The following CMSS1 variants were observed in gnomAD, a reference collection of about 807,000 sequenced individuals.
CMSS1 encodes the protein cms1 ribosomal small subunit homolog.
Under a neutral mutation model 43.5 loss-of-function variants are expected in CMSS1, and 33 were observed. That is an observed-to-expected ratio of 0.76 (90% confidence interval 0.57 to 1.01). The LOEUF (loss-of-function observed/expected upper bound fraction) is 1.01. Ranked by LOEUF, CMSS1 falls within the 50% of genes least tolerant of loss-of-function variation. The pLI is 0.00. For missense variants in CMSS1, 313 were observed against 326.4 expected, an observed-to-expected ratio of 0.96 and a Z score of 0.32; for synonymous variants, 115 against 117.2, an observed-to-expected ratio of 0.98 and a Z score of 0.12.
At chr3:99,930,939 G>T in intron 1 of CMSS1, 3 of 1,613,632 alleles carry the variant, frequency 1.9e-6, no homozygotes, top group Non-Finnish European at 2.5e-6. Context: ...ATGTTTTTAG[G>T]CCCTTGGAAA....
chr3:100,020,834 C>A (rs748980911), intron 1 of CMSS1, among the ~76,000 whole-genome samples: 16 of 121,890 alleles, frequency 1.3e-4, no homozygotes, highest in Middle Eastern at 7.2e-3. Flanking sequence ...GTGGCACGAT[C>A]TCAGCTCACT....
At chr3:99,822,502 A>G (rs528541937) in intron 1 of CMSS1, among the ~76,000 whole-genome samples, 170 of 152,272 alleles carry the variant, frequency 1.1e-3, no homozygotes, top group African/African-American at 3.8e-3. Context: ...AGGCTGAGGC[A>G]GGTGGATCAC....
At chr3:99,909,127 T>C (rs1197624432) in intron 1 of CMSS1, among the ~76,000 whole-genome samples, 1 of 152,206 alleles carries the variant, frequency 6.6e-6, no homozygotes, top group African/African-American at 2.4e-5. Context: ...AACAAGTAGA[T>C]GGCTAAAGTG....
At chr3:99,924,972 C>T (rs115414475) in intron 1 of CMSS1, among the ~76,000 whole-genome samples, 533 of 152,266 alleles carry the variant, frequency 3.5e-3, no homozygotes, top group African/African-American at 0.011. Flanking sequence ...ACTGTTTCCA[C>T]ATAACCTCTT....
In CMSS1 at chr3:100,146,093, A is replaced by C. The variant is rs370475234; in HGVS notation, c.65-880A>C. ...ATATACAGAGAAACTCAAGGGAATG[A>C]GTAAAGTCTTTCATAGATCAAAAAT... On this transcript the variant is annotated intron_variant, in intron 1 of 9. Transcript: ENST00000421999. 3.3e-5 allele frequency among the ~76,000 whole-genome samples: 5 copies of C among 152,252 alleles called. No homozygotes were observed. The East Asian group carries it at 7.7e-4, about 23-fold the overall frequency.
At chr3:99,859,757 CTTTA>C (rs2107550783) in intron 1 of CMSS1, among the ~76,000 whole-genome samples, 2 of 96,846 alleles carry the variant, frequency 2.1e-5, no homozygotes, top group Admixed American at 2.5e-4. Flanking sequence ...TGGAAAGCTT[CTTTA>C]TTTGAGATAA....
rs1167217491 is a variant in CMSS1, at chr3:100,070,439, T to C, written c.65-76534T>C. On this transcript the variant is annotated intron_variant, in intron 1 of 9. Transcript: ENST00000421999. ...TACTCTGTTTTACTTAGGACTTGAA[T>C]ATTAAATAATGTTGATTTATTCTCC... Among the ~76,000 whole-genome samples, 29 of 151,906 alleles carry C rather than the reference T, an allele frequency of 1.9e-4. 1 individual carries two copies. Among genetic ancestry groups the C allele is most frequent in the Admixed American group, 1.9e-3 (29 of 15,274 alleles).
At chr3:99,991,069 C>T (rs567984722) in intron 1 of CMSS1, among the ~76,000 whole-genome samples, 4 of 152,296 alleles carry the variant, frequency 2.6e-5, no homozygotes, top group African/African-American at 9.6e-5. Flanking sequence ...GGACAAATGT[C>T]ACTGGGGGTC....
chr3:100,139,232 A>T (rs2066781702), intron 1 of CMSS1, among the ~76,000 whole-genome samples: 1 of 152,146 alleles, frequency 6.6e-6, no homozygotes, highest in Admixed American at 6.5e-5. Context: ...GGATGGGTCA[A>T]TAGGTGCAGC....
chr3:100,028,413 C>G (rs2064965755), intron 1 of CMSS1, among the ~76,000 whole-genome samples: 1 of 152,148 alleles, frequency 6.6e-6, no homozygotes, highest in Non-Finnish European at 1.5e-5. Flanking sequence ...CAGGCAACAG[C>G]TGGTGGTTGT....
chr3:99,955,540 T>C (rs1051027862), intron 1 of CMSS1, among the ~76,000 whole-genome samples: 49 of 152,296 alleles, frequency 3.2e-4, no homozygotes, highest in African/African-American at 1.2e-3. Flanking sequence ...TTCCCAGCAA[T>C]GCTTGAGAAC....
At chr3:100,060,055 G>A (rs936135415) in intron 1 of CMSS1, among the ~76,000 whole-genome samples, 11 of 151,674 alleles carry the variant, frequency 7.3e-5, no homozygotes, top group Non-Finnish European at 1.5e-4. Flanking sequence ...AAATGGGGGC[G>A]GGGGGAAGAT....
chr3:99,925,160 T>C (rs1707251621), intron 1 of CMSS1, among the ~76,000 whole-genome samples: 1 of 152,232 alleles, frequency 6.6e-6, no homozygotes, highest in Admixed American at 6.5e-5. Flanking sequence ...GGACATGCTA[T>C]GATTTTCATT....
chr3:99,860,375 T>A (rs2107552283), intron 1 of CMSS1, among the ~76,000 whole-genome samples: 1 of 152,254 alleles, frequency 6.6e-6, no homozygotes, highest in Non-Finnish European at 1.5e-5. Flanking sequence ...TATAAGGAGC[T>A]TGGTAGCTTT....
intron 1 of CMSS1, among the ~76,000 whole-genome samples, chr3:100,015,585 C>G (rs1445138669): frequency 6.6e-6 from 1 of 152,168 alleles, no homozygotes; most frequent in African/African-American, 2.4e-5. Context: ...TTCATTGCTT[C>G]TAGAATTCTG....
At chr3:99,955,116 C>T (rs1164975376) in intron 1 of CMSS1, among the ~76,000 whole-genome samples, 4 of 152,196 alleles carry the variant, frequency 2.6e-5, no homozygotes, top group Admixed American at 6.5e-5. Flanking sequence ...AGTGATTACA[C>T]AAGTGGTTTC....
At chr3:100,102,835 A>G (rs56233205) in intron 1 of CMSS1, among the ~76,000 whole-genome samples, 18,493 of 152,262 alleles carry the variant, frequency 0.12, 1,501 homozygotes, top group Non-Finnish European at 0.18. Flanking sequence ...TTGCAGTGCT[A>G]TAAGTGTATA....
chr3:100,031,749 T>C (rs570929390), intron 1 of CMSS1, among the ~76,000 whole-genome samples: 141 of 152,284 alleles, frequency 9.3e-4, no homozygotes, highest in African/African-American at 3.2e-3. Flanking sequence ...TTTACGTTTA[T>C]TTGCCTCACT....
At chr3:99,930,918 G>A in intron 1 of CMSS1, 2 of 1,613,522 alleles carry the variant, frequency 1.2e-6, no homozygotes, top group Non-Finnish European at 1.7e-6. Flanking sequence ...TTGTCTTGCT[G>A]TCTATGCTTC....
Sources: gnomAD v4.1 joint callset for allele counts (sites outside exome capture counted in the v4.1 genomes callset) on GRCh38, gnomAD v4.1.1 for gene constraint, MANE v1.5 for transcripts, NCBI Gene and HGNC (gene_info 2026-07-23, HGNC 2026-07-21) for gene names.